The following DPP10 variants were observed in gnomAD, a reference collection of about 807,000 sequenced individuals.
DPP10 encodes the protein inactive dipeptidyl peptidase 10.
A neutral mutation model predicts 120.9 loss-of-function variants in DPP10; 33 were observed. That is an observed-to-expected ratio of 0.27 (90% CI 0.21 to 0.37). The LOEUF (loss-of-function observed/expected upper bound fraction) is 0.37. Among genes scored for constraint, DPP10 ranks in the 10% least tolerant of loss-of-function variants. The probability of loss-of-function intolerance (pLI) is 1.00; values close to 1 mark genes in which losing one functional copy is unlikely to be tolerated. For missense variants in DPP10, 816 were observed against 942.8 expected, an observed-to-expected ratio of 0.87 and a Z score of 1.76; for synonymous variants, 337 against 326.1, an observed-to-expected ratio of 1.03 and a Z score of -0.36.
intron 1 of DPP10, among the ~76,000 whole-genome samples, chr2:115,275,705 T>TC (rs200926009): frequency 7.3e-5 from 10 of 137,340 alleles, no homozygotes; most frequent in South Asian, 2.2e-4. Flanking sequence ...TCTTTTCTTT[T>TC]TTTTTTTTTT....
chr2:114,713,940 G>A (rs1347647592), intron 1 of DPP10, among the ~76,000 whole-genome samples: 1 of 150,108 alleles, frequency 6.7e-6, no homozygotes, highest in African/African-American at 2.5e-5. Context: ...AGCCGAGATC[G>A]CACCATTGCA....
intron 1 of DPP10, among the ~76,000 whole-genome samples, chr2:114,560,762 C>G (rs970331448): frequency 3.9e-5 from 6 of 152,196 alleles, no homozygotes; most frequent in African/African-American, 1.2e-4. Context: ...AGAATATGTG[C>G]CATACTGTGC....
chr2:115,642,651 CCTATCTCT>C lies in DPP10; in HGVS notation c.442-47025_442-47018del, dbSNP rs933502259. On this transcript the variant is annotated intron_variant, in intron 5 of 25. Coordinates refer to ENST00000410059, the MANE Select transcript of DPP10 (RefSeq NM_020868.6). ...TCTCTCTATCTCCCTCTCTCCTTTC[CCTATCTCT>C]CTATCTCTCTCTCTCCCTCTCAGTA... 3.3e-5 allele frequency among the ~76,000 whole-genome samples: 5 copies of C among 151,838 alleles called. No individual in the cohort carries two copies. In the East Asian group the frequency reaches 5.8e-4, roughly 18 times the overall value.
intron 1 of DPP10, among the ~76,000 whole-genome samples, chr2:114,856,107 A>G (rs1443002550): frequency 6.6e-6 from 1 of 152,224 alleles, no homozygotes; most frequent in African/African-American, 2.4e-5. Context: ...TGGACCAGGC[A>G]TTGCATGTAA....
At chr2:115,768,531 A>G in intron 13 of DPP10, 127 bp downstream of exon 13, 1 of 718,148 alleles carries the variant, frequency 1.4e-6, no homozygotes, top group Non-Finnish European at 2.3e-6. Flanking sequence ...ACTCACAGAC[A>G]TCTTAGGAAG....
At chr2:115,293,469 G>A (rs751023564) in intron 1 of DPP10, among the ~76,000 whole-genome samples, 4 of 152,076 alleles carry the variant, frequency 2.6e-5, no homozygotes, top group Non-Finnish European at 4.4e-5. Flanking sequence ...TAACCGTGAC[G>A]TAGGCAGTGC....
At chr2:114,691,063 T>A (rs1699711262) in intron 1 of DPP10, among the ~76,000 whole-genome samples, 1 of 152,092 alleles carries the variant, frequency 6.6e-6, no homozygotes, top group African/African-American at 2.4e-5. Context: ...GTTTATTCCT[T>A]TCTCTTGCCT....
intron 3 of DPP10, among the ~76,000 whole-genome samples, chr2:115,487,299 C>T (rs991985531): frequency 7.9e-6 from 1 of 126,180 alleles, no homozygotes; most frequent in African/African-American, 3.1e-5. Flanking sequence ...AATGGCCATA[C>T]TGCCCAAGGT....
chr2:115,247,705 A>G (rs766336824), intron 1 of DPP10, among the ~76,000 whole-genome samples: 5 of 152,172 alleles, frequency 3.3e-5, no homozygotes, highest in Admixed American at 2.0e-4. Flanking sequence ...GCAGGAAATT[A>G]AAGAATGCAT....
intron 1 of DPP10, among the ~76,000 whole-genome samples, chr2:115,283,217 G>A (rs1403741140): frequency 6.6e-6 from 1 of 151,696 alleles, no homozygotes; most frequent in African/African-American, 2.4e-5. Context: ...CTCAATTACG[G>A]TATTATAAAT....
chr2:115,347,363 T>C (rs2063759616), intron 3 of DPP10, among the ~76,000 whole-genome samples: 1 of 152,148 alleles, frequency 6.6e-6, no homozygotes, highest in African/African-American at 2.4e-5. Flanking sequence ...GGTCTTATGA[T>C]CTATTATCTG....
At chr2:115,297,285 T>C (rs1446507147) in intron 1 of DPP10, 1 of 407,178 alleles carries the variant, frequency 2.5e-6, no homozygotes, top group Admixed American at 2.7e-5. Flanking sequence ...GAAAGCCTTA[T>C]CTTAAATCAT....
chr2:115,337,800 G>T (rs2063233774), intron 2 of DPP10, among the ~76,000 whole-genome samples: 1 of 151,644 alleles, frequency 6.6e-6, no homozygotes, highest in African/African-American at 2.4e-5. Flanking sequence ...GAGACCTCAG[G>T]GTAGGCAGCT....
At chr2:114,751,463 A>T (rs1396770155) in intron 1 of DPP10, among the ~76,000 whole-genome samples, 2 of 152,150 alleles carry the variant, frequency 1.3e-5, no homozygotes, top group African/African-American at 2.4e-5. Context: ...CCTTCTGTGG[A>T]CATCTAGGGA....
Position 115,768,384 on chromosome 2 carries a change from G to A in DPP10, c.1201G>A (p.Val401Ile), listed in dbSNP as rs1446495. 1,605,951 of 1,613,466 alleles carry A rather than the reference G, an allele frequency of 1. 799,560 individuals carry two copies. Among genetic ancestry groups the A allele is most frequent in the East Asian group, 1 (44,858 of 44,858 alleles). The change falls in exon 13 of 26, where the codon GTA becomes ATA. Residue 401 changes from valine (V) to isoleucine (I), a missense_variant. By Grantham distance (29) the Val-to-Ile change is conservative (BLOSUM62 3). Transcript: ENST00000410059. ...KQGGRGEFHH[V>I]AMFLIQSKSE... ...AGGGGGACGTGGAGAATTTCACCAC[G>A]TAGCTATGTTCCTCATCCAGGTAAG...
intron 1 of DPP10, among the ~76,000 whole-genome samples, chr2:115,048,406 C>T (rs1455661874): frequency 6.6e-6 from 1 of 152,070 alleles, no homozygotes; most frequent in Non-Finnish European, 1.5e-5. Flanking sequence ...ACTTAGCTTG[C>T]ACTGGCCTTC....
intron 1 of DPP10, among the ~76,000 whole-genome samples, chr2:115,210,009 CTTTTTA>C (rs1366256589): frequency 2.6e-5 from 4 of 151,870 alleles, no homozygotes; most frequent in African/African-American, 7.3e-5. Context: ...GTCGTCTTCT[CTTTTTA>C]TTTTTATTTT....
intron 1 of DPP10, among the ~76,000 whole-genome samples, chr2:114,871,672 T>A (rs555712270): frequency 2.4e-4 from 36 of 152,190 alleles, no homozygotes; most frequent in Non-Finnish European, 4.4e-5. Flanking sequence ...AGGGGGTACA[T>A]GTTTAGGTTT....
intron 3 of DPP10, among the ~76,000 whole-genome samples, chr2:115,470,847 A>G (rs185290538): frequency 1.3e-5 from 2 of 152,300 alleles, no homozygotes; most frequent in Admixed American, 6.5e-5. Context: ...TTACAAATGT[A>G]CTTCACCATA....
Sources: gnomAD v4.1 joint callset for allele counts (sites outside exome capture counted in the v4.1 genomes callset) on GRCh38, gnomAD v4.1.1 for gene constraint, MANE v1.5 for transcripts, NCBI Gene and HGNC (gene_info 2026-07-23, HGNC 2026-07-21) for gene names.